NANOG: variants seen among roughly 807,000 people sequenced by gnomAD.
The protein encoded by NANOG is homeobox protein NANOG.
In NANOG, 2 loss-of-function variants were observed where a neutral mutation model predicts 17.7. The ratio of observed to expected loss-of-function variants is 0.11; its 90% CI spans 0.05 to 0.36. NANOG has a LOEUF of 0.36. Among genes scored for constraint, NANOG ranks in the 10% least tolerant of loss-of-function variants. The pLI, the probability that NANOG is intolerant of heterozygous loss-of-function variation, is 1.00. For missense variants in NANOG, 174 were observed against 362.1 expected, an observed-to-expected ratio of 0.48 and a Z score of 4.22; for synonymous variants, 81 against 124.7, an observed-to-expected ratio of 0.65 and a Z score of 2.33.
intron 2 of NANOG, among the ~76,000 whole-genome samples, chr12:7,793,843 G>C (rs1396611605): frequency 6.6e-6 from 1 of 152,106 alleles, no homozygotes; most frequent in African/African-American, 2.4e-5. Flanking sequence ...CTGGGTTCAA[G>C]GGATTCTCCT....
At chr12:7,790,460 A>C (rs1862824090) in intron 1 of NANOG, among the ~76,000 whole-genome samples, 1 of 152,160 alleles carries the variant, frequency 6.6e-6, no homozygotes, top group Admixed American at 6.6e-5. Context: ...GTTTGGCTTC[A>C]AAACCTGTGC....
chr12:7,794,605 A>C, intron 3 of NANOG, 62 bp downstream of exon 3: 24 of 1,608,000 alleles, frequency 1.5e-5, no homozygotes, highest in Non-Finnish European at 2.0e-5. Flanking sequence ...TCCATCCCTG[A>C]AACACACAAC....
At position 7,796,389 on chromosome 12, in the gene NANOG, T is replaced by TA. The variant is rs1399446505; in HGVS notation, c.*1295dup. 1 of 82,080 alleles carries TA rather than the reference T, an allele frequency of 1.2e-5. No individual in the cohort carries two copies. Among genetic ancestry groups the TA allele is most frequent in the African/African-American group, 2.9e-5 (1 of 33,908 alleles). The allele number at this position is 82,080 out of a possible 1,614,324, so 5.1% of individuals were successfully genotyped here. A position where few individuals can be genotyped will look rare whatever the true frequency, so the allele number is the denominator to read the frequency against. On this transcript the variant is annotated 3_prime_UTR_variant, in exon 4 of 4. Transcript: ENST00000229307. The stretch of plus-strand genomic sequence containing the variant: ...TGCCAGTTTTAGAAAAAAGGGCACT[T>TA]ACGTGCATTGTACATGTGCATCTAC...
chr12:7,791,924 T>C (rs1862845867), intron 1 of NANOG, among the ~76,000 whole-genome samples: 1 of 152,134 alleles, frequency 6.6e-6, no homozygotes, highest in South Asian at 2.1e-4. Context: ...TTTGAGACAG[T>C]CTCACTCTGT....
In NANOG at chr12:7,791,654, C is replaced by T. The variant is rs753254110; in HGVS notation, c.152-1296C>T. Among the ~76,000 whole-genome samples the T allele has an allele frequency of 1.1e-4, 16 of 152,122 alleles. No individual in the cohort carries two copies. The South Asian group carries it at 2.7e-3, about 26-fold the overall frequency. On this transcript the variant is annotated intron_variant, in intron 1 of 3. Transcript: ENST00000229307. ...ATTGAGAGTTGAACACTGGGAAAAC[C>T]GCAGAGCAATTAGGTATATAAGTGA... is the stretch of plus-strand genomic sequence containing the variant.
rs1475809728 is a variant in NANOG at position 7,789,760 on chromosome 12, A to G, written c.146A>G (p.Glu49Gly). 1 of 1,612,862 alleles carries G rather than the reference A, an allele frequency of 6.2e-7. No homozygotes were observed. The highest frequency in any genetic ancestry group is 2.2e-5 in the East Asian group (1 of 44,890). Residue 49 changes from glutamate (E) to glycine (G), a missense_variant, in exon 1 of 4, where the codon GAG becomes GGG. By Grantham distance (98) the Glu-to-Gly change is moderately conservative. Around this residue, in one of 2 missense-constraint regions of NANOG, gnomAD observed 158 missense variants for 244.2 expected, o/e 0.65. Transcript: ENST00000229307. ...TCTTCTGCTGAGATGCCTCACACGG[A>G]GACTGGTAAGAAAGAAATTTATCCT... ...QMSSAEMPHT[E>G]TVSPLPSSMD...
rs1862944897 is a variant in NANOG at position 7,797,327 on chromosome 12, A to C, written c.*2232A>C. 1 of 146,678 alleles carries C rather than the reference A, an allele frequency of 6.8e-6. No homozygotes were observed. Among genetic ancestry groups the C allele is most frequent in the Admixed American group, 6.9e-5 (1 of 14,596 alleles). 9.1% of individuals were successfully genotyped at this position (146,678 alleles called of 1,614,324 possible). A position where few individuals can be genotyped will look rare whatever the true frequency, so the allele number is the denominator to read the frequency against. On this transcript the variant is annotated 3_prime_UTR_variant, in exon 4 of 4. Coordinates refer to ENST00000229307, the MANE Select transcript of NANOG (RefSeq NM_024865.4). ...TGACTCGGCCTCCCAAAGTGGTGGG[A>C]TTATAGGTGTGAGCCACCGTGTCTG...
chr12:7,790,479 A>G (rs991322682), intron 1 of NANOG, among the ~76,000 whole-genome samples: 3 of 152,166 alleles, frequency 2.0e-5, no homozygotes, highest in Admixed American at 6.5e-5. Context: ...GCTAGTACTC[A>G]TGCTTCTGAC....
Position 7,789,777 on chromosome 12 carries a change from A to AT in NANOG, c.151+15dup. On this transcript the variant is annotated intron_variant, in intron 1 of 3. Coordinates refer to ENST00000229307, the MANE Select transcript of NANOG (RefSeq NM_024865.4). The stretch of plus-strand genomic sequence containing the variant: ...TCACACGGAGACTGGTAAGAAAGAA[A>AT]TTTATCCTTGAAAGGCCAAGTTCCT... 6.2e-7 allele frequency: 1 copy of AT among 1,611,552 alleles called. No homozygotes were observed. Among genetic ancestry groups the AT allele is most frequent in the Non-Finnish European group, 8.5e-7 (1 of 1,179,880 alleles).
chr12:7,794,234 C>A (rs937682608), intron 2 of NANOG, among the ~76,000 whole-genome samples: 2 of 143,480 alleles, frequency 1.4e-5, no homozygotes, highest in South Asian at 4.7e-4. Flanking sequence ...GCATTACACC[C>A]GGCTAATTTT....
intron 2 of NANOG, 88 bp downstream of exon 2, chr12:7,793,300 G>A: frequency 7.9e-7 from 1 of 1,270,926 alleles, no homozygotes; most frequent in Non-Finnish European, 1.1e-6. Context: ...GTAGATGTGT[G>A]TACTATGTGT....
chr12:7,794,349 A>T, intron 2 of NANOG, 108 bp from the exon 3 acceptor site: 1 of 1,034,890 alleles, frequency 9.7e-7, no homozygotes. Flanking sequence ...TTGGGATTAC[A>T]GGCATGAGAT....
intron 2 of NANOG, 44 bp downstream of exon 2, chr12:7,793,256 C>T: frequency 1.2e-6 from 2 of 1,600,768 alleles, no homozygotes; most frequent in East Asian, 2.2e-5. Context: ...AAAAATTGGA[C>T]TAATTTGCAT....
At chr12:7,792,460 T>C (rs1212031072) in intron 1 of NANOG, among the ~76,000 whole-genome samples, 2 of 151,756 alleles carry the variant, frequency 1.3e-5, no homozygotes, top group Non-Finnish European at 2.9e-5. Flanking sequence ...AGGTCAGGAG[T>C]TCGAGACCAG....
rs1862810474 is a variant in NANOG, at chr12:7,789,707, T to G, written c.93T>G (p.Pro31=). The change falls in exon 1 of 4, where the codon CCT becomes CCG. Residue 31 remains proline (P), a synonymous_variant. Transcript: ENST00000229307. ...ESSPMPVICG[P]EENYPSLQMS... ...CACCTATGCCTGTGATTTGTGGGCCTGAAGAAAACTATCCATCCTTGCAAA... is the reference window on the plus strand; with the variant it reads ...CACCTATGCCTGTGATTTGTGGGCCGGAAGAAAACTATCCATCCTTGCAAA... The G allele has an allele frequency of 2.5e-6, 4 of 1,614,110 alleles. No homozygotes were observed. The highest frequency in any genetic ancestry group is 2.2e-5 in the East Asian group (1 of 44,898).
chr12:7,798,184 A>G lies in NANOG; in HGVS notation c.*3089A>G, dbSNP rs1862955009. On this transcript the variant is annotated 3_prime_UTR_variant, in exon 4 of 4. Transcript: ENST00000229307. ...CTGAGGTCAGGAGTTCAAGTTTAGC[A>G]TGGCCAATATGGCGAAACCCTGTCT... The G allele has an allele frequency of 6.6e-6, 1 of 152,120 alleles. No homozygotes were observed. The allele number at this position is 152,120 out of a possible 1,614,324, so 9.4% of individuals were successfully genotyped here. A position where few individuals can be genotyped will look rare whatever the true frequency, so the allele number is the denominator to read the frequency against.
intron 1 of NANOG, among the ~76,000 whole-genome samples, chr12:7,792,731 G>T (rs1329354640): frequency 6.6e-6 from 1 of 152,158 alleles, no homozygotes; most frequent in South Asian, 2.1e-4. Context: ...CTCTCCCAAC[G>T]CAGTCTATTA....
chr12:7,796,547 C>T lies in NANOG; in HGVS notation c.*1452C>T, dbSNP rs1194116990. ...TATGTTCTCACCTTAAGAGCAGCTACGCAGGCATCTGTGAATTATACTAAT... is the reference window on the plus strand; with the variant it reads ...TATGTTCTCACCTTAAGAGCAGCTATGCAGGCATCTGTGAATTATACTAAT... On this transcript the variant is annotated 3_prime_UTR_variant, in exon 4 of 4. Coordinates refer to ENST00000229307, the MANE Select transcript of NANOG (RefSeq NM_024865.4). 1.3e-5 allele frequency: 2 copies of T among 152,156 alleles called. No individual in the cohort carries two copies. The highest frequency in any genetic ancestry group is 2.9e-5 in the Non-Finnish European group (2 of 68,032). 9.4% of individuals were successfully genotyped at this position (152,156 alleles called of 1,614,324 possible).
chr12:7,794,370 G>A, intron 2 of NANOG, 87 bp from the exon 3 acceptor site: 1 of 1,256,286 alleles, frequency 8.0e-7, no homozygotes, highest in Admixed American at 2.1e-5. Flanking sequence ...ATGGCACCTG[G>A]CCAGGAATAA....
Sources: gnomAD v4.1 joint callset for allele counts (sites outside exome capture counted in the v4.1 genomes callset) on GRCh38, gnomAD v4.1.1 for gene constraint, gnomAD v4.1.1 regional missense constraint, MANE v1.5 for transcripts, NCBI Gene and HGNC (gene_info 2026-07-23, HGNC 2026-07-21) for gene names.